Variants in LANCL2 observed in about 807,000 individuals in gnomAD.
LANCL2 encodes the protein LanC like glutathione S-transferase 2, also known as lanC-like protein 2.
LANCL2 carries 33 observed loss-of-function variants against 56.9 expected under a neutral mutation model. The observed-to-expected ratio is 0.58, with a 90% CI of 0.44 to 0.78. The LOEUF (loss-of-function observed/expected upper bound fraction) is 0.78, where lower values mean the gene tolerates loss of function less well. Ranked by LOEUF, LANCL2 falls within the 30% of genes least tolerant of loss-of-function variation. The pLI is 0.00. For synonymous variants in LANCL2, 233 were observed against 228.2 expected, an observed-to-expected ratio of 1.02 and a Z score of -0.19; for missense variants, 562 against 580.2, an observed-to-expected ratio of 0.97 and a Z score of 0.32.
At chr7:55,430,570 A>G (rs1342508095) in intron 8 of LANCL2, among the ~76,000 whole-genome samples, 1 of 152,240 alleles carries the variant, frequency 6.6e-6, no homozygotes, top group African/African-American at 2.4e-5. Flanking sequence ...TATGCATTTT[A>G]CAAACCTCAG....
chr7:55,384,447 G>A (rs1017767317), intron 1 of LANCL2, among the ~76,000 whole-genome samples: 1 of 152,180 alleles, frequency 6.6e-6, no homozygotes, highest in Non-Finnish European at 1.5e-5. Flanking sequence ...AGCTACTTGG[G>A]GGGCTGAGGC....
intron 6 of LANCL2, among the ~76,000 whole-genome samples, chr7:55,419,345 C>CT (rs888166259): frequency 6.5e-5 from 8 of 123,644 alleles, no homozygotes; most frequent in South Asian, 2.6e-4. Context: ...ATTCATACCT[C>CT]TTTTTTTTAA....
chr7:55,392,634 C>T (rs1182805516), intron 2 of LANCL2, among the ~76,000 whole-genome samples: 1 of 152,172 alleles, frequency 6.6e-6, no homozygotes, highest in Non-Finnish European at 1.5e-5. Context: ...CAGGCGTGAG[C>T]CACTAGCCTG....
intron 6 of LANCL2, among the ~76,000 whole-genome samples, chr7:55,418,598 T>C (rs1434542559): frequency 6.6e-6 from 1 of 152,242 alleles, no homozygotes; most frequent in African/African-American, 2.4e-5. Context: ...GTGAGTTTTC[T>C]TCTTCCTTTC....
At chr7:55,403,875 A>T (rs1790374216) in intron 5 of LANCL2, among the ~76,000 whole-genome samples, 1 of 151,550 alleles carries the variant, frequency 6.6e-6, no homozygotes, top group South Asian at 2.1e-4. Context: ...TGGCTTGCCC[A>T]CCCTTTTCTT....
intron 1 of LANCL2, among the ~76,000 whole-genome samples, chr7:55,373,644 G>A (rs1473353811): frequency 3.3e-5 from 5 of 152,054 alleles, no homozygotes; most frequent in Admixed American, 6.5e-5. Context: ...AAATAAGAAC[G>A]CAGTAGGTAG....
At chr7:55,390,330 G>T (rs1307711965) in intron 1 of LANCL2, among the ~76,000 whole-genome samples, 5 of 152,226 alleles carry the variant, frequency 3.3e-5, no homozygotes, top group African/African-American at 9.6e-5. Flanking sequence ...GGTGGGCCAG[G>T]TGCAGTGGCT....
At chr7:55,412,225 GTC>G (rs1326971970) in intron 6 of LANCL2, 136 bp downstream of exon 6, 4 of 786,348 alleles carry the variant, frequency 5.1e-6, no homozygotes, top group Non-Finnish European at 7.9e-6. Context: ...ACAAAATAAA[GTC>G]TCTGTATTTT....
At chr7:55,408,897 G>C (rs1394063946) in intron 5 of LANCL2, among the ~76,000 whole-genome samples, 1 of 148,984 alleles carries the variant, frequency 6.7e-6, no homozygotes, top group African/African-American at 2.5e-5. Context: ...CAGGAGAATT[G>C]CTTGAACCCA....
intron 5 of LANCL2, among the ~76,000 whole-genome samples, chr7:55,406,494 G>A (rs1311484712): frequency 6.6e-6 from 1 of 152,318 alleles, no homozygotes; most frequent in East Asian, 1.9e-4. Context: ...CAGGGGACGG[G>A]CAGAGCAGGG....
At position 55,428,362 on chromosome 7, in the gene LANCL2, C is replaced by G; in HGVS notation, c.1186-13C>G. ...GAAACTCCAGTCTTAAAAAGAAATC[C>G]CTTTCTTTTCAGTTTGCAGAGTGGT... On this transcript the variant is annotated splice_polypyrimidine_tract_variant and intron_variant, in intron 7 of 8. Transcript: ENST00000254770. 6.2e-7 allele frequency: 1 copy of G among 1,609,056 alleles called. No homozygotes were observed. The highest frequency in any genetic ancestry group is 8.5e-7 in the Non-Finnish European group (1 of 1,175,390).
intron 1 of LANCL2, among the ~76,000 whole-genome samples, chr7:55,382,169 A>C (rs577427861): frequency 5.9e-5 from 9 of 152,360 alleles, no homozygotes; most frequent in Admixed American, 2.6e-4. Context: ...CCAATCCTGA[A>C]AAGAACCAGA....
intron 6 of LANCL2, among the ~76,000 whole-genome samples, chr7:55,412,890 CAT>C (rs1199618641): frequency 6.6e-6 from 1 of 152,166 alleles, no homozygotes; most frequent in African/African-American, 2.4e-5. Flanking sequence ...GAGTGGAACT[CAT>C]ATTTCTACCT....
At chr7:55,408,662 C>CTG (rs1434938907) in intron 5 of LANCL2, among the ~76,000 whole-genome samples, 1 of 146,334 alleles carries the variant, frequency 6.8e-6, no homozygotes, top group Non-Finnish European at 1.5e-5. Context: ...GTATGAGACC[C>CTG]TGTCTCAAAA....
intron 6 of LANCL2, among the ~76,000 whole-genome samples, chr7:55,417,055 C>A (rs1790550773): frequency 7.1e-6 from 1 of 141,198 alleles, no homozygotes; most frequent in African/African-American, 2.7e-5. Flanking sequence ...TCTCTGCTCA[C>A]TACAAGCTCC....
intron 5 of LANCL2, among the ~76,000 whole-genome samples, chr7:55,403,588 T>TTG (rs1790369629): frequency 7.3e-6 from 1 of 137,264 alleles, no homozygotes; most frequent in Non-Finnish European, 1.5e-5. Context: ...TTTTTTTTTT[T>TTG]TGAGACAGAG....
At chr7:55,375,456 GCTC>G (rs1789990402) in intron 1 of LANCL2, among the ~76,000 whole-genome samples, 2 of 152,204 alleles carry the variant, frequency 1.3e-5, no homozygotes, top group Non-Finnish European at 2.9e-5. Context: ...CACACAGCGA[GCTC>G]CTGTCTTTCT....
intron 1 of LANCL2, among the ~76,000 whole-genome samples, chr7:55,378,705 C>T (rs989145407): frequency 1.3e-5 from 2 of 152,104 alleles, no homozygotes; most frequent in Non-Finnish European, 2.9e-5. Context: ...TTAGAATCCT[C>T]TTTTATGAGA....
Position 55,401,301 on chromosome 7 carries a change from T to C in LANCL2, c.806T>C (p.Ile269Thr). ...YVGAAHGMAG[I>T]YYMLMQPAAK... ...GGAGCAGCCCATGGCATGGCTGGAA[T>C]TTACTATATGTTAATGCAGGTAGGT... is the stretch of plus-strand genomic sequence containing the variant. Residue 269 changes from isoleucine to threonine, a missense_variant, in exon 5 of 9, where the codon ATT becomes ACT. Around this residue, in one of 2 missense-constraint regions of LANCL2, gnomAD observed 378 missense variants for 468.4 expected, o/e 0.81. Transcript: ENST00000254770. The C allele has an allele frequency of 6.2e-7, 1 of 1,614,036 alleles. No individual in the cohort carries two copies.
Sources: gnomAD v4.1 joint callset for allele counts (sites outside exome capture counted in the v4.1 genomes callset) on GRCh38, gnomAD v4.1.1 for gene constraint, gnomAD v4.1.1 regional missense constraint, MANE v1.5 for transcripts, NCBI Gene and HGNC (gene_info 2026-07-23, HGNC 2026-07-21) for gene names.